Variants in CDON observed in about 807,000 individuals in gnomAD.
CDON encodes cell adhesion associated, oncogene regulated, also known as cell adhesion molecule-related/down-regulated by oncogenes.
Under a neutral mutation model 120.9 loss-of-function variants are expected in CDON, and 73 were observed. The ratio of observed to expected loss-of-function variants is 0.60; its 90% CI spans 0.50 to 0.73. The LOEUF (loss-of-function observed/expected upper bound fraction) is 0.73, where lower values mean the gene tolerates loss of function less well. Ranked by LOEUF, CDON falls within the 30% of genes least tolerant of loss-of-function variation. CDON has a pLI of 0.00. For synonymous variants in CDON, 566 were observed against 573.5 expected (o/e 0.99, Z 0.19); for missense variants, 1,470 against 1,587.3 (o/e 0.93, Z 1.26).
Position 125,983,906 on chromosome 11 carries a change from G to A in CDON, c.2961C>T (p.Cys987=). ...TATTCTGCTGGCGATTCTTCCACAGGCACATTGCAATGAAAACCATCAGAA... is the reference window on the plus strand; with the variant it reads ...TATTCTGCTGGCGATTCTTCCACAGACACATTGCAATGAAAACCATCAGAA... ...VLILMVFIAM[C]LWKNRQQNTI... is the part of the protein sequence containing the mutation. Residue 987 remains cysteine, a synonymous_variant, in exon 16 of 20, where the codon TGC becomes TGT. Transcript: ENST00000531738. The A allele has an allele frequency of 6.2e-7, 1 of 1,613,824 alleles. No individual in the cohort carries two copies. The highest frequency in any genetic ancestry group is 2.2e-5 in the East Asian group (1 of 44,872).
chr11:125,988,979 A>G (rs570798986), intron 15 of CDON, among the ~76,000 whole-genome samples: 1 of 152,286 alleles, frequency 6.6e-6, no homozygotes, highest in Non-Finnish European at 1.5e-5. Flanking sequence ...ATATCTTTGT[A>G]AAGAAAAACG....
chr11:126,063,315 A>T (rs577604724), upstream of CDON: 1 of 151,616 alleles, frequency 6.6e-6, no homozygotes, highest in Admixed American at 6.6e-5. Context: ...AGGTCTCCAA[A>T]TGGTCGACTC....
intron 5 of CDON, among the ~76,000 whole-genome samples, chr11:126,017,829 C>T (rs1198125394): frequency 1.3e-5 from 2 of 152,014 alleles, no homozygotes; most frequent in Non-Finnish European, 2.9e-5. Flanking sequence ...CACTCTGTCA[C>T]CTTGGCCAAA....
intron 1 of CDON, among the ~76,000 whole-genome samples, chr11:126,028,678 CATAA>C (rs1226928237): frequency 2.6e-5 from 4 of 151,708 alleles, no homozygotes; most frequent in African/African-American, 4.8e-5. Flanking sequence ...TAAAATTCTT[CATAA>C]ATAAAACTTT....
chr11:125,989,964 A>C (rs1200585473), intron 14 of CDON, among the ~76,000 whole-genome samples: 3 of 152,214 alleles, frequency 2.0e-5, no homozygotes, highest in African/African-American at 7.2e-5. Flanking sequence ...AAAAAAGGTA[A>C]AGAGAGGAGA....
At chr11:126,054,908 C>T (rs1028685907) in intron 1 of CDON, among the ~76,000 whole-genome samples, 5 of 152,078 alleles carry the variant, frequency 3.3e-5, no homozygotes, top group Admixed American at 1.3e-4. Flanking sequence ...AGGAGAGATG[C>T]GTTTCCAGCC....
chr11:126,054,603 T>C (rs1481224126), intron 1 of CDON, among the ~76,000 whole-genome samples: 2 of 152,238 alleles, frequency 1.3e-5, no homozygotes, highest in East Asian at 3.8e-4. Context: ...TCAGCATCTT[T>C]CTACTCAGTG....
At position 125,961,090 on chromosome 11, in the gene CDON, T is replaced by C; in HGVS notation, c.3647A>G (p.His1216Arg). 6.2e-7 allele frequency: 1 copy of C among 1,613,940 alleles called. No individual in the cohort carries two copies. The highest frequency in any genetic ancestry group is 2.2e-5 in the East Asian group (1 of 44,876). ...AEFSRGDSCA[H>R]SETEINIVSW... ...TACAATGTTGATCTCTGTTTCTGAA[T>C]GGGCACAGCTGTCTCCTGAAACACA... Residue 1216 changes from histidine (H) to arginine (R), a missense_variant, in exon 20 of 20, where the codon CAT becomes CGT. His to Arg is a conservative substitution (Grantham distance 29). Transcript: ENST00000531738.
intron 9 of CDON, chr11:126,005,251 G>A (rs1271183588): frequency 1.3e-5 from 2 of 154,144 alleles, no homozygotes; most frequent in African/African-American, 2.5e-5. Context: ...GCAGTGAGAC[G>A]AGATCACACC....
intron 1 of CDON, among the ~76,000 whole-genome samples, chr11:126,051,773 G>A (rs909127279): frequency 1.3e-5 from 2 of 150,372 alleles, no homozygotes; most frequent in Admixed American, 6.7e-5. Context: ...TCAGCCTCCC[G>A]AGTAGCTGGG....
At chr11:125,975,772 C>A (rs1393678436) in intron 18 of CDON, among the ~76,000 whole-genome samples, 1 of 152,212 alleles carries the variant, frequency 6.6e-6, no homozygotes, top group Admixed American at 6.5e-5. Flanking sequence ...GTTTGAGAAC[C>A]ACTGAAGTCG....
intron 11 of CDON, among the ~76,000 whole-genome samples, chr11:125,998,545 T>C (rs1194608804): frequency 1.3e-5 from 2 of 152,076 alleles, no homozygotes; most frequent in African/African-American, 4.8e-5. Context: ...CATGCCTGCA[T>C]AGCCTTTAGA....
chr11:125,994,757 C>T, intron 13 of CDON, 114 bp downstream of exon 13: 1 of 881,080 alleles, frequency 1.1e-6, no homozygotes, highest in Non-Finnish European at 1.9e-6. Context: ...CCTTGCACTT[C>T]CCCTCAATTA....
chr11:125,993,386 C>T (rs201102335), intron 14 of CDON, among the ~76,000 whole-genome samples: 12 of 67,590 alleles, frequency 1.8e-4, no homozygotes, highest in Admixed American at 4.1e-4. Context: ...CACACATGCG[C>T]GCGTGCGTGC....
At chr11:125,997,445 A>G in intron 11 of CDON, 35 bp from the exon 12 acceptor site, 1 of 1,434,292 alleles carries the variant, frequency 7.0e-7, no homozygotes, top group Non-Finnish European at 9.7e-7. Flanking sequence ...ATAACCCACC[A>G]TGTCAGAGAC....
At chr11:126,015,124 G>A (rs746208734) in intron 7 of CDON, 117 bp downstream of exon 7, 35 of 991,478 alleles carry the variant, frequency 3.5e-5, no homozygotes, top group Admixed American at 1.4e-4. Flanking sequence ...AATGAACACC[G>A]TTCTTGTACG....
chr11:125,982,790 C>T, intron 16 of CDON, among the ~76,000 whole-genome samples: 1 of 152,200 alleles, frequency 6.6e-6, no homozygotes, highest in East Asian at 1.9e-4. Context: ...ATTCAACACG[C>T]ACTCACACAA....
intron 7 of CDON, among the ~76,000 whole-genome samples, chr11:126,014,065 T>C (rs1440432583): frequency 6.6e-6 from 1 of 152,126 alleles, no homozygotes; most frequent in Non-Finnish European, 1.5e-5. Flanking sequence ...TACATGCCAA[T>C]TTTTAAAAAT....
At chr11:126,062,278 G>A (rs1196534926) in intron 1 of CDON, among the ~76,000 whole-genome samples, 1 of 152,086 alleles carries the variant, frequency 6.6e-6, no homozygotes, top group Non-Finnish European at 1.5e-5. Flanking sequence ...CCCGCTCTGC[G>A]GCATCTCACC....
Sources: allele counts gnomAD v4.1 joint callset (sites outside exome capture counted in the v4.1 genomes callset), GRCh38; gene constraint gnomAD v4.1.1; transcripts MANE v1.5; gene names NCBI Gene and HGNC (gene_info 2026-07-23, HGNC 2026-07-21).